The following LIN52 variants were observed in gnomAD, a reference collection of about 807,000 sequenced individuals.
LIN52 encodes lin-52 DREAM MuvB core complex component.
Under a neutral mutation model 18.5 loss-of-function variants are expected in LIN52, and 4 were observed. The ratio of observed to expected loss-of-function variants is 0.22; its 90% CI spans 0.11 to 0.49. The LOEUF (loss-of-function observed/expected upper bound fraction) is 0.49, where lower values mean the gene tolerates loss of function less well. Ranked by LOEUF, LIN52 falls within the 20% of genes least tolerant of loss-of-function variation. LIN52 has a pLI of 0.97. For synonymous variants in LIN52, 34 were observed against 45.5 expected, an observed-to-expected ratio of 0.75 and a Z score of 1.02; for missense variants, 102 against 139.5, an observed-to-expected ratio of 0.73 and a Z score of 1.35.
Position 74,091,153 on chromosome 14 carries a change from T to C in LIN52, c.20-79T>C, listed in dbSNP as rs918279648. 9.9e-6 allele frequency: 10 copies of C among 1,014,500 alleles called. 1 individual carries two copies. The highest frequency in any genetic ancestry group is 1.5e-5 in the Non-Finnish European group (10 of 656,598). The allele number at this position is 1,014,500 out of a possible 1,614,324, so 62.8% of individuals were successfully genotyped here. On this transcript the variant is annotated intron_variant, in intron 1 of 5. Transcript: ENST00000555028. ...TAGACTTCCAGGTGAGTGTTCCAGT[T>C]TATGTCCTTTGAGATTGAAGTATCA...
intron 5 of LIN52, among the ~76,000 whole-genome samples, chr14:74,169,980 TGAA>T (rs1057310621): frequency 6.6e-6 from 1 of 152,150 alleles, no homozygotes; most frequent in Non-Finnish European, 1.5e-5. Flanking sequence ...AGCTGGGTCT[TGAA>T]GAGCACATAA....
chr14:74,116,982 A>G (rs960572702), intron 5 of LIN52, among the ~76,000 whole-genome samples: 2 of 152,180 alleles, frequency 1.3e-5, no homozygotes, highest in African/African-American at 4.8e-5. Flanking sequence ...TGAATAGGAA[A>G]AAAATACTAC....
At chr14:74,180,754 G>A (rs2139584826) in intron 5 of LIN52, among the ~76,000 whole-genome samples, 1 of 152,106 alleles carries the variant, frequency 6.6e-6, no homozygotes, top group Admixed American at 6.5e-5. Context: ...CTTTGGCATT[G>A]GTATGAATGC....
intron 1 of LIN52, 88 bp downstream of exon 1, chr14:74,085,081 A>G: frequency 8.5e-7 from 1 of 1,177,060 alleles, no homozygotes. Flanking sequence ...TCGAACATAC[A>G]TTTCTTTCTT....
intron 5 of LIN52, among the ~76,000 whole-genome samples, chr14:74,175,413 A>C (rs1417273674): frequency 6.6e-6 from 1 of 151,968 alleles, no homozygotes; most frequent in Non-Finnish European, 1.5e-5. Flanking sequence ...TCAGGGTTGC[A>C]GTGAGCCATG....
chr14:74,146,935 G>A (rs746018149), intron 5 of LIN52, among the ~76,000 whole-genome samples: 3 of 152,070 alleles, frequency 2.0e-5, no homozygotes, highest in Admixed American at 1.3e-4. Flanking sequence ...GGGAAAAGTA[G>A]TCTCTTTCAA....
intron 5 of LIN52, among the ~76,000 whole-genome samples, chr14:74,166,126 G>A (rs916419454): frequency 6.6e-6 from 1 of 150,610 alleles, no homozygotes; most frequent in African/African-American, 2.4e-5. Context: ...CCTGACCTCA[G>A]GTGATCTGCC....
chr14:74,196,821 G>A (rs930830649), intron 5 of LIN52, among the ~76,000 whole-genome samples: 1 of 152,162 alleles, frequency 6.6e-6, no homozygotes, highest in African/African-American at 2.4e-5. Flanking sequence ...ATATCCAAGA[G>A]AAAAGTAGGG....
chr14:74,188,177 T>C (rs752039946), intron 5 of LIN52, among the ~76,000 whole-genome samples: 8 of 152,290 alleles, frequency 5.3e-5, no homozygotes, highest in Non-Finnish European at 1.2e-4. Flanking sequence ...AAAACCCAGA[T>C]TGTAATTTTA....
Position 74,199,365 on chromosome 14 carries a change from G to T in LIN52, c.*388G>T. 5.9e-6 allele frequency: 1 copy of T among 168,094 alleles called. No homozygotes were observed. The allele number at this position is 168,094 out of a possible 1,614,324, so 10.4% of individuals were successfully genotyped here. On this transcript the variant is annotated 3_prime_UTR_variant, in exon 6 of 6. Coordinates refer to ENST00000555028, the MANE Select transcript of LIN52 (RefSeq NM_001024674.3). ...TCAGTTGTGACATGTTGATTGGATG[G>T]GTTCTTTTGAATTGTTCTTGATCTC...
intron 5 of LIN52, among the ~76,000 whole-genome samples, chr14:74,168,482 C>T (rs1467508384): frequency 1.3e-5 from 2 of 151,646 alleles, no homozygotes; most frequent in Non-Finnish European, 2.9e-5. Flanking sequence ...TCCTGGCTAA[C>T]ATGGTGAAAC....
intron 5 of LIN52, among the ~76,000 whole-genome samples, chr14:74,190,615 C>T (rs947234970): frequency 2.6e-5 from 4 of 152,056 alleles, no homozygotes; most frequent in African/African-American, 7.2e-5. Flanking sequence ...TGGTCTCAAA[C>T]TCCTGACCTC....
chr14:74,088,818 G>T (rs1412678784), intron 1 of LIN52, among the ~76,000 whole-genome samples: 1 of 152,156 alleles, frequency 6.6e-6, no homozygotes, highest in African/African-American at 2.4e-5. Flanking sequence ...AACTAGTTAT[G>T]CAACTGGTTA....
intron 2 of LIN52, among the ~76,000 whole-genome samples, chr14:74,092,299 G>GTATA (rs34699701): frequency 3.5e-5 from 5 of 144,282 alleles, no homozygotes; most frequent in African/African-American, 7.6e-5. Flanking sequence ...TTATATATAT[G>GTATA]TATATATATA....
intron 1 of LIN52, among the ~76,000 whole-genome samples, chr14:74,086,677 AAG>A (rs894864489): frequency 3.3e-5 from 5 of 152,072 alleles, no homozygotes; most frequent in Non-Finnish European, 7.4e-5. Context: ...AGGAAAAAAA[AAG>A]AAATTATGGA....
chr14:74,106,688 T>C (rs550598374), intron 5 of LIN52, among the ~76,000 whole-genome samples: 3 of 152,186 alleles, frequency 2.0e-5, no homozygotes, highest in Non-Finnish European at 2.9e-5. Context: ...CCTCCCAGGC[T>C]CAAGTGATTC....
At chr14:74,181,339 C>T (rs2061317882) in intron 5 of LIN52, among the ~76,000 whole-genome samples, 1 of 150,404 alleles carries the variant, frequency 6.6e-6, no homozygotes. Flanking sequence ...ACTCAGGGGG[C>T]TAAGGTGGGA....
chr14:74,151,755 G>C (rs1280351187), intron 5 of LIN52, among the ~76,000 whole-genome samples: 1 of 152,180 alleles, frequency 6.6e-6, no homozygotes, highest in Non-Finnish European at 1.5e-5. Flanking sequence ...TGCAGAACAA[G>C]AGATCAATTA....
At chr14:74,174,435 G>A (rs2061283714) in intron 5 of LIN52, 2 of 152,186 alleles carry the variant, frequency 1.3e-5, no homozygotes, top group Admixed American at 6.6e-5. Flanking sequence ...CATAGAAAAG[G>A]TAGAGTAAAG....
Sources: allele counts gnomAD v4.1 joint callset (sites outside exome capture counted in the v4.1 genomes callset), GRCh38; gene constraint gnomAD v4.1.1; transcripts MANE v1.5; gene names NCBI Gene and HGNC (gene_info 2026-07-23, HGNC 2026-07-21).